Variants in PTPRR observed in about 807,000 individuals in gnomAD.
PTPRR encodes receptor-type tyrosine-protein phosphatase R.
In PTPRR, 38 loss-of-function variants were observed where a neutral mutation model predicts 77.2. That is an observed-to-expected ratio of 0.49 (90% CI 0.38 to 0.65). The LOEUF is 0.65. Ranked by LOEUF, PTPRR falls within the 30% of genes least tolerant of loss-of-function variation. The pLI is 0.00. For synonymous variants in PTPRR, 299 were observed against 283.1 expected (o/e 1.06, Z -0.57); for missense variants, 744 against 799.2 (o/e 0.93, Z 0.83).
intron 2 of PTPRR, among the ~76,000 whole-genome samples, chr12:70,819,952 GAT>G (rs1288030063): frequency 6.6e-6 from 1 of 152,050 alleles, no homozygotes; most frequent in Admixed American, 6.5e-5. Flanking sequence ...TGTGAGAAAA[GAT>G]CAACTATTTT....
rs562461813 is a variant in PTPRR at position 70,678,889 on chromosome 12, C to T, written c.1497+5238G>A. On this transcript the variant is annotated intron_variant, in intron 10 of 13. Coordinates refer to ENST00000283228, the MANE Select transcript of PTPRR (RefSeq NM_002849.4). ...TAGAGACAGGGTTTCACCATGTTGGCCAGGCTGGTCTCGAACTCCTGACCT... is the reference window on the plus strand; with the variant it reads ...TAGAGACAGGGTTTCACCATGTTGGTCAGGCTGGTCTCGAACTCCTGACCT... Among the ~76,000 whole-genome samples the T allele has an allele frequency of 1.2e-3, 180 of 152,192 alleles. 1 individual carries two copies. The highest frequency in any genetic ancestry group is 3.7e-3 in the African/African-American group (155 of 41,524).
rs1890296994 is a variant in PTPRR, at chr12:70,748,872, A to T, written c.739-2786T>A. ...ATAATCCTGAGTCAATCCCTACTAC[A>T]TTCCATAAACAAGATATTGTAGATG... On this transcript the variant is annotated intron_variant, in intron 5 of 13. Coordinates refer to ENST00000283228, the MANE Select transcript of PTPRR (RefSeq NM_002849.4). Among the ~76,000 whole-genome samples the T allele has an allele frequency of 2.0e-5, 3 of 152,292 alleles. No homozygotes were observed. In the South Asian group the frequency reaches 6.2e-4, roughly 32 times the overall value.
intron 2 of PTPRR, among the ~76,000 whole-genome samples, chr12:70,854,502 A>G (rs909430408): frequency 6.6e-6 from 1 of 152,230 alleles, no homozygotes; most frequent in African/African-American, 2.4e-5. Flanking sequence ...TTAGTGTTGC[A>G]CATGCAAACA....
Position 70,703,429 on chromosome 12 carries a change from T to C in PTPRR, c.1008-2106A>G, listed in dbSNP as rs557042712. Among the ~76,000 whole-genome samples, 3 of 152,250 alleles carry C rather than the reference T, an allele frequency of 2.0e-5. No individual in the cohort carries two copies. The South Asian group carries it at 6.2e-4, about 32-fold the overall frequency. ...AGAGGGATATTTTTCCCACTCCACT[T>C]TTTCTTATTTGGTTTTTGGTGGTGG... On this transcript the variant is annotated intron_variant, in intron 6 of 13. Coordinates refer to ENST00000283228, the MANE Select transcript of PTPRR (RefSeq NM_002849.4).
At chr12:70,711,740 G>A (rs1156461) in intron 6 of PTPRR, among the ~76,000 whole-genome samples, 129,701 of 152,074 alleles carry the variant, frequency 0.85, 55,688 homozygotes, top group East Asian at 1. Context: ...CAAGGATTAT[G>A]TATTTTTAAA....
intron 2 of PTPRR, among the ~76,000 whole-genome samples, chr12:70,886,600 T>C (rs1175176228): frequency 1.3e-5 from 2 of 152,198 alleles, no homozygotes; most frequent in Non-Finnish European, 2.9e-5. Flanking sequence ...GCATTTGCTA[T>C]TGAAAGGTTA....
In PTPRR at chr12:70,892,600, C is replaced by T; in HGVS notation, c.357+79G>A. The T allele has an allele frequency of 4.0e-6, 6 of 1,491,758 alleles. No homozygotes were observed. The South Asian group carries it at 7.4e-5, about 18-fold the overall frequency. 92.4% of individuals were successfully genotyped at this position (1,491,758 alleles called of 1,614,324 possible). ...GGATTCATTGATAACTATTCACAAT[C>T]AGTGTTTTTCTTTTTTCAAGCATCA... On this transcript the variant is annotated intron_variant, in intron 2 of 13. Transcript: ENST00000283228.
At chr12:70,740,752 A>G (rs1044272920) in intron 6 of PTPRR, among the ~76,000 whole-genome samples, 5 of 152,164 alleles carry the variant, frequency 3.3e-5, no homozygotes, top group African/African-American at 1.2e-4. Flanking sequence ...GGGACAAGTG[A>G]CTTATAATGC....
chr12:70,804,665 C>T (rs1592766612), intron 2 of PTPRR, among the ~76,000 whole-genome samples: 1 of 152,130 alleles, frequency 6.6e-6, no homozygotes. Flanking sequence ...AGAAAGTTTG[C>T]TCAGGGCCAC....
chr12:70,644,210 CTAAA>C (rs1308949764), intron 13 of PTPRR, among the ~76,000 whole-genome samples: 1 of 152,186 alleles, frequency 6.6e-6, no homozygotes, highest in African/African-American at 2.4e-5. Context: ...TGGCTTCTTA[CTAAA>C]TAAACTCTTT....
chr12:70,879,041 G>C (rs1318307957), intron 2 of PTPRR, among the ~76,000 whole-genome samples: 3 of 152,058 alleles, frequency 2.0e-5, no homozygotes, highest in Non-Finnish European at 4.4e-5. Context: ...TCATAGGTGG[G>C]AATTGAACAA....
intron 2 of PTPRR, among the ~76,000 whole-genome samples, chr12:70,820,348 G>T (rs894341089): frequency 6.6e-6 from 1 of 152,026 alleles, no homozygotes; most frequent in East Asian, 1.9e-4. Context: ...TTTTTTTGGT[G>T]AGATGGAGTC....
chr12:70,768,483 C>A (rs1202950768), intron 2 of PTPRR, among the ~76,000 whole-genome samples: 1 of 152,094 alleles, frequency 6.6e-6, no homozygotes, highest in African/African-American at 2.4e-5. Flanking sequence ...TCTGAATAGA[C>A]CAAAAATAGG....
chr12:70,890,976 TTGC>T (rs1893325603), intron 2 of PTPRR, among the ~76,000 whole-genome samples: 1 of 152,106 alleles, frequency 6.6e-6, no homozygotes, highest in Admixed American at 6.6e-5. Context: ...CTCCCCAGTT[TTGC>T]TGCTAAATCA....
intron 6 of PTPRR, among the ~76,000 whole-genome samples, chr12:70,725,704 T>TA (rs778183800): frequency 1.1e-4 from 16 of 152,106 alleles, no homozygotes; most frequent in Non-Finnish European, 2.1e-4. Context: ...GGAAAAGAAT[T>TA]AAAAAAAATT....
At chr12:70,693,895 A>T (rs78398624) in intron 8 of PTPRR, among the ~76,000 whole-genome samples, 5,256 of 152,208 alleles carry the variant, frequency 0.035, 131 homozygotes, top group Non-Finnish European at 0.05. Flanking sequence ...CTTCAGTTAG[A>T]TAGGGAGGGA....
At position 70,674,020 on chromosome 12, in the gene PTPRR, A is replaced by G. The variant is rs142801569; in HGVS notation, c.1497+10107T>C. 3.3e-4 allele frequency among the ~76,000 whole-genome samples: 50 copies of G among 152,084 alleles called. 1 individual carries two copies. The East Asian group carries it at 9.3e-3, about 28-fold the overall frequency. On this transcript the variant is annotated intron_variant, in intron 10 of 13. Coordinates refer to ENST00000283228, the MANE Select transcript of PTPRR (RefSeq NM_002849.4). ...CCAATCATAACTCACCACAACCTCA[A>G]TCTTCTGGGCTCCAGGGATCCTTTT...
chr12:70,889,451 T>G (rs902858809), intron 2 of PTPRR, among the ~76,000 whole-genome samples: 3 of 152,184 alleles, frequency 2.0e-5, no homozygotes, highest in Non-Finnish European at 2.9e-5. Context: ...TAGAATGTAA[T>G]TAAAACCCAT....
chr12:70,828,403 T>C (rs1248343031), intron 2 of PTPRR, among the ~76,000 whole-genome samples: 3 of 152,114 alleles, frequency 2.0e-5, no homozygotes, highest in African/African-American at 4.8e-5. Flanking sequence ...ACTCCTGCAA[T>C]ATTCAAAGAT....
Sources: gnomAD v4.1 joint callset for allele counts (sites outside exome capture counted in the v4.1 genomes callset) on GRCh38, gnomAD v4.1.1 for gene constraint, MANE v1.5 for transcripts, NCBI Gene and HGNC (gene_info 2026-07-23, HGNC 2026-07-21) for gene names.